The following DGKI variants were observed in gnomAD, a reference collection of about 807,000 sequenced individuals.
The protein encoded by DGKI is DAG kinase iota.
A neutral mutation model predicts 147.5 loss-of-function variants in DGKI; 55 were observed. That is an observed-to-expected ratio of 0.37 (90% CI 0.30 to 0.47). DGKI has a LOEUF of 0.47. DGKI is among the 20% of genes least tolerant of loss of function. The pLI is 1.00. For missense variants in DGKI, 1,007 were observed against 1,323.8 expected, an observed-to-expected ratio of 0.76 and a Z score of 3.71; for synonymous variants, 469 against 477.1, an observed-to-expected ratio of 0.98 and a Z score of 0.22.
At chr7:137,422,686 G>A (rs1812625422) in intron 28 of DGKI, among the ~76,000 whole-genome samples, 1 of 124,554 alleles carries the variant, frequency 8.0e-6, no homozygotes, top group Non-Finnish European at 1.6e-5. Context: ...CTCACTGCAA[G>A]CTCTGCCTCC....
intron 1 of DGKI, among the ~76,000 whole-genome samples, chr7:137,808,588 A>G (rs746465487): frequency 1.3e-5 from 2 of 152,240 alleles, no homozygotes; most frequent in Non-Finnish European, 2.9e-5. Flanking sequence ...TCCAGGCAGT[A>G]GCAGGCACAA....
chr7:137,518,232 C>T (rs1816847930), intron 21 of DGKI, among the ~76,000 whole-genome samples: 1 of 152,084 alleles, frequency 6.6e-6, no homozygotes, highest in African/African-American at 2.4e-5. Flanking sequence ...ATTTAACCCT[C>T]AGCACTGAAT....
chr7:137,426,446 T>G (rs1472341383), intron 28 of DGKI, among the ~76,000 whole-genome samples: 1 of 152,090 alleles, frequency 6.6e-6, no homozygotes, highest in African/African-American at 2.4e-5. Flanking sequence ...TACAAAATCA[T>G]GCCAAATTGT....
chr7:137,436,104 C>T (rs758804660), intron 28 of DGKI, among the ~76,000 whole-genome samples: 2 of 152,056 alleles, frequency 1.3e-5, no homozygotes, highest in African/African-American at 2.4e-5. Flanking sequence ...CTTCTTTACT[C>T]GTAGTCATCA....
In DGKI at chr7:137,725,463, T is replaced by A. The variant is rs142849521; in HGVS notation, c.402-35461A>T. 7.8e-3 allele frequency among the ~76,000 whole-genome samples: 1,184 copies of A among 152,212 alleles called. 11 individuals carry two copies. The highest frequency in any genetic ancestry group is 0.027 in the African/African-American group (1,126 of 41,518). On this transcript the variant is annotated intron_variant, in intron 1 of 32. Transcript: ENST00000614521. ...TGGTTTTCCTTATTATACCACTATGTCCCTGAGGTGACCTGGAGACATCAC... is the reference window on the plus strand; with the variant it reads ...TGGTTTTCCTTATTATACCACTATGACCCTGAGGTGACCTGGAGACATCAC...
chr7:137,689,162 T>C (rs960533740), intron 2 of DGKI, among the ~76,000 whole-genome samples: 1 of 152,216 alleles, frequency 6.6e-6, no homozygotes. Context: ...ACAAGGTTCA[T>C]CATCAGGGAA....
chr7:137,796,849 G>A (rs1042444034), intron 1 of DGKI, among the ~76,000 whole-genome samples: 15 of 151,206 alleles, frequency 9.9e-5, no homozygotes, highest in African/African-American at 3.6e-4. Context: ...TACATGCAAG[G>A]AGAGTTCCAG....
chr7:137,619,142 C>G (rs970273404), intron 8 of DGKI, among the ~76,000 whole-genome samples: 12 of 152,170 alleles, frequency 7.9e-5, no homozygotes, highest in Non-Finnish European at 1.5e-4. Context: ...TAACTTGAAG[C>G]TAACTGTCAA....
At chr7:137,790,241 C>CACAA (rs1796810133) in intron 1 of DGKI, among the ~76,000 whole-genome samples, 1 of 149,252 alleles carries the variant, frequency 6.7e-6, no homozygotes, top group Non-Finnish European at 1.5e-5. Flanking sequence ...AACACACACA[C>CACAA]ACACACACAC....
Position 137,625,236 on chromosome 7 carries a change from G to T in DGKI, c.805-1682C>A, listed in dbSNP as rs147891300. Among the ~76,000 whole-genome samples, 4 of 152,048 alleles carry T rather than the reference G, an allele frequency of 2.6e-5. No individual in the cohort carries two copies. In the East Asian group the frequency reaches 7.8e-4, roughly 30 times the overall value. On this transcript the variant is annotated intron_variant, in intron 6 of 32. Transcript: ENST00000614521. The stretch of plus-strand genomic sequence containing the variant: ...GCACTTTGGGAGGCTGAGGCAGGCA[G>T]ATTGCCTGAGGTCAGGAGTTCAAGA...
At chr7:137,800,882 A>G (rs1308549797) in intron 1 of DGKI, among the ~76,000 whole-genome samples, 2 of 152,218 alleles carry the variant, frequency 1.3e-5, no homozygotes, top group Non-Finnish European at 2.9e-5. Context: ...TTGATCCTCA[A>G]TAACTATATA....
chr7:137,810,385 C>T lies in DGKI; in HGVS notation c.401+36077G>A, dbSNP rs917923114. ...GAAAAAAAAATTAAGGAAAAGAAAA[C>T]GAAACTATGAAAGGTACTAAGTTTC... On this transcript the variant is annotated intron_variant, in intron 1 of 32. Transcript: ENST00000614521. Among the ~76,000 whole-genome samples the T allele has an allele frequency of 5.9e-5, 9 of 151,920 alleles. No individual in the cohort carries two copies. The South Asian group carries it at 1.5e-3, about 25-fold the overall frequency.
intron 1 of DGKI, among the ~76,000 whole-genome samples, chr7:137,743,908 G>A (rs554786764): frequency 2.7e-4 from 41 of 151,654 alleles, no homozygotes; most frequent in African/African-American, 8.5e-4. Flanking sequence ...GTGTGAACTC[G>A]GGAGGCAGAG....
intron 20 of DGKI, among the ~76,000 whole-genome samples, chr7:137,537,528 C>T (rs560550334): frequency 6.6e-6 from 1 of 151,896 alleles, no homozygotes; most frequent in African/African-American, 2.4e-5. Context: ...ATAATAATAA[C>T]AAAAGCATGA....
intron 1 of DGKI, among the ~76,000 whole-genome samples, chr7:137,823,705 G>C (rs1797972451): frequency 6.6e-6 from 1 of 152,202 alleles, no homozygotes; most frequent in African/African-American, 2.4e-5. Context: ...GAGAAGAACG[G>C]AAGCTATGTA....
In DGKI at chr7:137,387,491, C is replaced by G. The variant is rs1434353842; in HGVS notation, c.*3729G>C. 1 of 152,138 alleles carries G rather than the reference C, an allele frequency of 6.6e-6. No homozygotes were observed. The highest frequency in any genetic ancestry group is 2.4e-5 in the African/African-American group (1 of 41,418). 9.4% of individuals were successfully genotyped at this position (152,138 alleles called of 1,614,324 possible). A position where few individuals can be genotyped will look rare whatever the true frequency, so the allele number is the denominator to read the frequency against. On this transcript the variant is annotated 3_prime_UTR_variant, in exon 33 of 33. Transcript: ENST00000614521. ...TCAGCATGCTTTTAAAATGTTTGCTCTTTTCTAAACCTATGCAATATACAT... is the reference window on the plus strand; with the variant it reads ...TCAGCATGCTTTTAAAATGTTTGCTGTTTTCTAAACCTATGCAATATACAT...
chr7:137,489,324 A>G (rs774560531), intron 21 of DGKI, among the ~76,000 whole-genome samples: 14 of 152,218 alleles, frequency 9.2e-5, no homozygotes, highest in Non-Finnish European at 1.8e-4. Context: ...TCCAGGGTAG[A>G]CAAGAAACAA....
chr7:137,800,122 C>T, intron 1 of DGKI, among the ~76,000 whole-genome samples: 1 of 152,078 alleles, frequency 6.6e-6, no homozygotes, highest in East Asian at 1.9e-4. Flanking sequence ...ATTCCAATTT[C>T]CCCCCTATAG....
chr7:137,492,347 C>T lies in DGKI; in HGVS notation c.2249-4658G>A, dbSNP rs560416138. 3.7e-3 allele frequency among the ~76,000 whole-genome samples: 558 copies of T among 152,176 alleles called. 2 individuals carry two copies. Among genetic ancestry groups the T allele is most frequent in the South Asian group, 0.012 (57 of 4,804 alleles). ...ATCTGCCATCGAGAGACCAGGACAT[C>T]AGGAAGACTGGCACACTCTAAGCAG... On this transcript the variant is annotated intron_variant, in intron 21 of 32. Transcript: ENST00000614521.
Sources: allele counts gnomAD v4.1 joint callset (sites outside exome capture counted in the v4.1 genomes callset), GRCh38; gene constraint gnomAD v4.1.1; transcripts MANE v1.5; gene names NCBI Gene and HGNC (gene_info 2026-07-23, HGNC 2026-07-21).